ATAT1: variants seen among roughly 807,000 people sequenced by gnomAD.
ATAT1 encodes the protein alpha tubulin acetyltransferase 1, also known as alpha-tubulin N-acetyltransferase 1.
A neutral mutation model predicts 57.2 loss-of-function variants in ATAT1; 42 were observed. That is an observed-to-expected ratio of 0.73 (90% CI 0.57 to 0.95). The LOEUF (loss-of-function observed/expected upper bound fraction) is 0.95. ATAT1 is among the 40% of genes least tolerant of loss of function. The pLI is 0.00. For synonymous variants in ATAT1, 168 were observed against 187.1 expected (o/e 0.90, Z 0.83); for missense variants, 454 against 523.7 (o/e 0.87, Z 1.30).
At chr6:30,635,008 A>C (rs1404421411) in intron 6 of ATAT1, among the ~76,000 whole-genome samples, 3 of 152,022 alleles carry the variant, frequency 2.0e-5, no homozygotes, top group Admixed American at 6.6e-5. Context: ...ACAACAACAA[A>C]AAGTCTCGTT....
chr6:30,629,244 C>CTT lies in ATAT1; in HGVS notation c.501+828_501+829dup, dbSNP rs111725584. Among the ~76,000 whole-genome samples the CTT allele has an allele frequency of 4.2e-3, 575 of 137,312 alleles. 5 individuals are homozygous for CTT. The highest frequency in any genetic ancestry group is 0.021 in the East Asian group (100 of 4,772). The allele number at this position is 137,312 out of a possible 152,430, so 90.1% of individuals were successfully genotyped here. A position where few individuals can be genotyped will look rare whatever the true frequency, so the allele number is the denominator to read the frequency against. On this transcript the variant is annotated intron_variant, in intron 6 of 12. Coordinates refer to ENST00000330083, the MANE Select transcript of ATAT1 (RefSeq NM_001031722.4). ...AAGTTGTTTCCTACACCTAATTTTT[C>CTT]TTTTTTTTTTTTTTTGTGAGATGTA...
Position 30,642,833 on chromosome 6 carries a change from G to GGGGGGGCGCCC in ATAT1, c.754_755insGGGGGGCGCCC (p.Ala252GlyfsTer71). On this transcript the variant is annotated frameshift_variant, in exon 10 of 13. Transcript: ENST00000330083. LOFTEE classifies it high-confidence loss of function. ...GGCCCCTCGCCGCGCCACACCTCCAGCCCACCCACCCCCCCGCTCCAGCAG... is the reference window on the plus strand; with the variant it reads ...GGCCCCTCGCCGCGCCACACCTCCAGGGGGGGCGCCCCCCACCCACCCCCCCGCTCCAGCAG... 1.0e-5 allele frequency: 16 copies of GGGGGGGCGCCC among 1,537,862 alleles called. No homozygotes were observed. Among genetic ancestry groups the GGGGGGGCGCCC allele is most frequent in the Non-Finnish European group, 1.4e-5 (16 of 1,145,770 alleles).
chr6:30,637,714 G>A (rs41266848), intron 6 of ATAT1, among the ~76,000 whole-genome samples: 1 of 150,652 alleles, frequency 6.6e-6, no homozygotes, highest in Non-Finnish European at 1.5e-5. Flanking sequence ...GCATTGGCTC[G>A]CGCCTGTAAC....
At position 30,645,159 on chromosome 6, in the gene ATAT1, T is replaced by C. The variant is rs577319174; in HGVS notation, c.933-736T>C. Among the ~76,000 whole-genome samples the C allele has an allele frequency of 3.7e-4, 56 of 152,216 alleles. 3 individuals carry two copies. The highest frequency in any genetic ancestry group is 3.3e-3 in the Admixed American group (50 of 15,290). On this transcript the variant is annotated intron_variant, in intron 10 of 12. Transcript: ENST00000330083. ...CCCTATTTACAGAGGCCCCCTTCCT[T>C]TTCCTCCTAAATTCAAAATTCAGCC... is the stretch of plus-strand genomic sequence containing the variant.
At position 30,642,832 on chromosome 6, in the gene ATAT1, A is replaced by ACCCCCCCCCCCCCCCCC; in HGVS notation, c.753_754insCCCCCCCCCCCCCCCCC (p.Ala252ProfsTer73). On this transcript the variant is annotated frameshift_variant, in exon 10 of 13. Coordinates refer to ENST00000330083, the MANE Select transcript of ATAT1 (RefSeq NM_001031722.4). LOFTEE classifies it high-confidence loss of function. ...GGGCCCCTCGCCGCGCCACACCTCC[A>ACCCCCCCCCCCCCCCCC]GCCCACCCACCCCCCCGCTCCAGCA... 8.1e-7 allele frequency: 1 copy of ACCCCCCCCCCCCCCCCC among 1,230,750 alleles called. No homozygotes were observed. The highest frequency in any genetic ancestry group is 1.2e-5 in the South Asian group (1 of 82,750). 76.2% of individuals were successfully genotyped at this position (1,230,750 alleles called of 1,614,324 possible). A position where few individuals can be genotyped will look rare whatever the true frequency, so the allele number is the denominator to read the frequency against.
In ATAT1 at chr6:30,645,974, G is replaced by A; in HGVS notation, c.1012G>A (p.Gly338Ser). Residue 338 changes from glycine to serine, a missense_variant and splice_region_variant, in exon 11 of 13, where the codon GGC becomes AGC. Physicochemically the swap from Gly to Ser is moderately conservative, Grantham distance 56. This residue lies in a region of ATAT1 where 216 missense variants were observed against 222.2 expected (regional missense o/e 0.97). Transcript: ENST00000330083. ...GGTGAATTCCTCATCCCCCAATACA[G>A]GTAAGTATTCACTCCTCCCTACCCT... The A allele has an allele frequency of 1.9e-6, 3 of 1,588,180 alleles. No homozygotes were observed. The highest frequency in any genetic ancestry group is 2.6e-6 in the Non-Finnish European group (3 of 1,166,782).
At chr6:30,643,872 C>T (rs1766070221) in intron 10 of ATAT1, 2 of 1,271,508 alleles carry the variant, frequency 1.6e-6, no homozygotes, top group South Asian at 2.7e-5. Context: ...TAGAGAAGCA[C>T]ACTCTTGCTT....
chr6:30,645,298 C>A (rs930247423), intron 10 of ATAT1, among the ~76,000 whole-genome samples: 3 of 151,864 alleles, frequency 2.0e-5, no homozygotes, highest in African/African-American at 2.4e-5. Context: ...TCACTGCAAC[C>A]TCCGCCTCCT....
In ATAT1 at chr6:30,627,938, C is replaced by T. The variant is rs373246158; in HGVS notation, c.285+27C>T. On this transcript the variant is annotated intron_variant, in intron 4 of 12. Transcript: ENST00000330083. ...TGAGTGTTATTGGATGCTAGGAGTT[C>T]GTATACCTTGGTTTCTGAGAACAAA... 55 of 1,612,010 alleles carry T rather than the reference C, an allele frequency of 3.4e-5. No homozygotes were observed. The East Asian group carries it at 1.0e-3, about 31-fold the overall frequency.
At position 30,642,981 on chromosome 6, in the gene ATAT1, G is replaced by A. The variant is rs150614928; in HGVS notation, c.902G>A (p.Gly301Glu). ...CGCCTTCTGTTGGCTGCTGACCCTG[G>A]GGGCAGCCCAGCTCAACGTCGTCGC... Residue 301 changes from glycine (G) to glutamate (E), a missense_variant, in exon 10 of 13, where the codon GGG becomes GAG. Physicochemically the swap from Gly to Glu is moderately conservative, Grantham distance 98 (BLOSUM62 -2). Around this residue, in one of 3 missense-constraint regions of ATAT1, gnomAD observed 216 missense variants for 222.2 expected, o/e 0.97. Coordinates refer to ENST00000330083, the MANE Select transcript of ATAT1 (RefSeq NM_001031722.4). The A allele has an allele frequency of 3.7e-6, 6 of 1,613,802 alleles. No homozygotes were observed. In the Middle Eastern group the frequency reaches 4.9e-4, roughly 133 times the overall value.
chr6:30,642,423 G>A (rs113013484), intron 9 of ATAT1, among the ~76,000 whole-genome samples, 176 bp downstream of exon 9: 1 of 152,058 alleles, frequency 6.6e-6, no homozygotes, highest in Non-Finnish European at 1.5e-5. Context: ...CAGGCAGATC[G>A]CCTGAGTCCA....
intron 10 of ATAT1, chr6:30,644,528 T>C (rs1766254861): frequency 1.0e-6 from 1 of 985,726 alleles, no homozygotes; most frequent in Non-Finnish European, 1.2e-6. Context: ...GGTGCCCCAC[T>C]GTGTTTCCTG....
intron 8 of ATAT1, among the ~76,000 whole-genome samples, chr6:30,641,544 C>T (rs376659067): frequency 2.0e-5 from 3 of 152,078 alleles, no homozygotes; most frequent in Admixed American, 6.6e-5. Context: ...GAGGGAAAGC[C>T]GGGAGCAAGT....
chr6:30,639,052 C>G (rs1274547485), intron 6 of ATAT1, among the ~76,000 whole-genome samples: 2 of 152,134 alleles, frequency 1.3e-5, no homozygotes, highest in Non-Finnish European at 2.9e-5. Context: ...ACGATCTCAG[C>G]TCACTGCAAC....
chr6:30,643,641 T>C, intron 10 of ATAT1: 7 of 1,549,324 alleles, frequency 4.5e-6, no homozygotes, highest in Non-Finnish European at 5.2e-6. Flanking sequence ...CACTCTTCCA[T>C]TGCATCCTGT....
chr6:30,645,291 C>T (rs1766466011), intron 10 of ATAT1, among the ~76,000 whole-genome samples: 1 of 151,630 alleles, frequency 6.6e-6, no homozygotes, highest in South Asian at 2.1e-4. Flanking sequence ...TCTCAGCTCA[C>T]TGCAACCTCC....
chr6:30,636,255 A>G (rs1216498411), intron 6 of ATAT1, among the ~76,000 whole-genome samples: 2 of 152,188 alleles, frequency 1.3e-5, no homozygotes, highest in Non-Finnish European at 2.9e-5. Flanking sequence ...CATTTCATGT[A>G]GAGGAACAGG....
At chr6:30,643,498 C>T in intron 10 of ATAT1, 1 of 1,550,562 alleles carries the variant, frequency 6.4e-7, no homozygotes, top group Non-Finnish European at 8.7e-7. Context: ...TTCCCATCTC[C>T]CTTCCTCCCA....
chr6:30,631,799 G>C (rs1762937980), intron 6 of ATAT1, among the ~76,000 whole-genome samples: 1 of 151,934 alleles, frequency 6.6e-6, no homozygotes, highest in Non-Finnish European at 1.5e-5. Flanking sequence ...CAAAAAAAAA[G>C]AGTAAGAGCC....
Sources: gnomAD v4.1 joint callset for allele counts (sites outside exome capture counted in the v4.1 genomes callset) on GRCh38, gnomAD v4.1.1 for gene constraint, gnomAD v4.1.1 regional missense constraint, MANE v1.5 for transcripts, NCBI Gene and HGNC (gene_info 2026-07-23, HGNC 2026-07-21) for gene names.